The following UQCC1 variants were observed in gnomAD, a reference collection of about 807,000 sequenced individuals.
UQCC1 encodes ubiquinol-cytochrome c reductase complex assembly factor 1.
A neutral mutation model predicts 48.0 loss-of-function variants in UQCC1; 38 were observed. That is an observed-to-expected ratio of 0.79 (90% CI 0.61 to 1.04). The LOEUF is 1.04. UQCC1 is among the 50% of genes least tolerant of loss of function. UQCC1 has a pLI of 0.00. For missense variants in UQCC1, 368 were observed against 381.8 expected (o/e 0.96, Z 0.30); for synonymous variants, 111 against 129.2 (o/e 0.86, Z 0.95).
At chr20:35,399,867 AAAAAG>A (rs1403635949) in intron 1 of UQCC1, among the ~76,000 whole-genome samples, 7 of 150,088 alleles carry the variant, frequency 4.7e-5, no homozygotes, top group African/African-American at 1.7e-4. Flanking sequence ...AAAAAAAAAA[AAAAAG>A]AAAAGAAATC....
intron 4 of UQCC1, among the ~76,000 whole-genome samples, chr20:35,381,094 T>A (rs568552791): frequency 6.6e-6 from 1 of 152,336 alleles, no homozygotes; most frequent in South Asian, 2.1e-4. Flanking sequence ...AGGGGCAGTA[T>A]GCATCTGAGG....
chr20:35,315,031 A>G (rs2061041679), intron 7 of UQCC1: 5 of 255,424 alleles, frequency 2.0e-5, no homozygotes, highest in South Asian at 7.6e-5. Flanking sequence ...GCTAGATCCT[A>G]TGAACCAAGT....
Position 35,321,287 on chromosome 20 carries a change from C to T in UQCC1, c.574-6522G>A, listed in dbSNP as rs111632440. Among the ~76,000 whole-genome samples, 355 of 106,368 alleles carry T rather than the reference C, an allele frequency of 3.3e-3. 3 individuals are homozygous for T. The highest frequency in any genetic ancestry group is 0.018 in the East Asian group (55 of 3,076). The allele number at this position is 106,368 out of a possible 152,430, so 69.8% of individuals were successfully genotyped here. A position where few individuals can be genotyped will look rare whatever the true frequency, so the allele number is the denominator to read the frequency against. On this transcript the variant is annotated intron_variant, in intron 7 of 9. Transcript: ENST00000374385. ...GTGTGTGTGTGTGTGTGTGTGTGCG[C>T]GCGCGCGCGCGCACGCTCAGGCACG...
Position 35,332,668 on chromosome 20 carries a change from C to A in UQCC1, c.573+14496G>T, listed in dbSNP as rs370376599. Among the ~76,000 whole-genome samples, 3 of 152,354 alleles carry A rather than the reference C, an allele frequency of 2.0e-5. No homozygotes were observed. In the East Asian group the frequency reaches 5.8e-4, roughly 29 times the overall value. On this transcript the variant is annotated intron_variant, in intron 7 of 9. Coordinates refer to ENST00000374385, the MANE Select transcript of UQCC1 (RefSeq NM_018244.5). ...AGAAAGAAGAGCTCCCCACACCAGA[C>A]AGGTTACAAAGAAAATGGTCAGTCC...
chr20:35,385,546 G>T (rs1300943093), intron 2 of UQCC1, among the ~76,000 whole-genome samples: 2 of 152,294 alleles, frequency 1.3e-5, no homozygotes, highest in Admixed American at 1.3e-4. Context: ...CTATGGCCCA[G>T]GCTGGAGTGC....
chr20:35,386,263 T>A (rs932018299), intron 2 of UQCC1: 5 of 415,698 alleles, frequency 1.2e-5, no homozygotes, highest in Non-Finnish European at 1.9e-5. Flanking sequence ...AAACTCTCAC[T>A]AATGCTATAT....
At chr20:35,394,031 C>T in intron 2 of UQCC1, 61 bp downstream of exon 2, 2 of 1,502,078 alleles carry the variant, frequency 1.3e-6, no homozygotes, top group Non-Finnish European at 9.3e-7. Flanking sequence ...TCTATAAATA[C>T]ATGACATTTG....
At chr20:35,397,637 C>G (rs1420185831) in intron 1 of UQCC1, among the ~76,000 whole-genome samples, 1 of 151,744 alleles carries the variant, frequency 6.6e-6, no homozygotes, top group Non-Finnish European at 1.5e-5. Flanking sequence ...ATTTACATAG[C>G]ACCTATATTG....
chr20:35,410,487 ACACCGCTGAACTC>A (rs1375799207), intron 1 of UQCC1, among the ~76,000 whole-genome samples: 1 of 149,958 alleles, frequency 6.7e-6, no homozygotes, highest in African/African-American at 2.5e-5. Context: ...AGCCGAGATC[ACACCGCTGAACTC>A]CACCCTGGGT....
At chr20:35,404,925 T>C (rs754652605) in intron 1 of UQCC1, among the ~76,000 whole-genome samples, 21 of 152,164 alleles carry the variant, frequency 1.4e-4, no homozygotes, top group Non-Finnish European at 1.5e-5. Context: ...GGGAATAAGA[T>C]GTCCACAGAG....
intron 2 of UQCC1, among the ~76,000 whole-genome samples, chr20:35,388,393 G>C (rs528566338): frequency 6.9e-6 from 1 of 144,888 alleles, no homozygotes; most frequent in African/African-American, 2.6e-5. Context: ...CCAGACTCAA[G>C]GGATCCTCCT....
intron 7 of UQCC1, among the ~76,000 whole-genome samples, chr20:35,323,303 C>A (rs1222749436): frequency 6.6e-6 from 1 of 152,090 alleles, no homozygotes; most frequent in African/African-American, 2.4e-5. Flanking sequence ...GAAAAACTGT[C>A]CTTAAAAAGA....
At chr20:35,354,212 A>G (rs138887867) in intron 6 of UQCC1, among the ~76,000 whole-genome samples, 37 of 152,274 alleles carry the variant, frequency 2.4e-4, no homozygotes, top group African/African-American at 7.7e-4. Flanking sequence ...CACATGACTG[A>G]ATTTACTTTA....
intron 7 of UQCC1, among the ~76,000 whole-genome samples, chr20:35,330,460 G>T (rs995306639): frequency 2.6e-5 from 4 of 152,190 alleles, no homozygotes; most frequent in Admixed American, 2.6e-4. Flanking sequence ...TGGCAATTCT[G>T]ACCAGCTAGG....
chr20:35,400,856 G>A (rs1348659660), intron 1 of UQCC1, among the ~76,000 whole-genome samples: 1 of 152,156 alleles, frequency 6.6e-6, no homozygotes, highest in East Asian at 1.9e-4. Context: ...GTTAATTGCA[G>A]TGATTTTTAC....
chr20:35,354,410 G>A (rs370857885), intron 6 of UQCC1, among the ~76,000 whole-genome samples: 1 of 120,254 alleles, frequency 8.3e-6, no homozygotes, highest in Non-Finnish European at 1.8e-5. Flanking sequence ...TTTTTTTTTT[G>A]TTTTGAGACA....
intron 3 of UQCC1, among the ~76,000 whole-genome samples, chr20:35,382,512 C>CTTTTTTTTTTTTTTTTTTTTT (rs1162371421): frequency 9.2e-6 from 1 of 108,282 alleles, no homozygotes; most frequent in Non-Finnish European, 1.9e-5. Context: ...TTTCTTTTTT[C>CTTTTTTTTTTTTTTTTTTTTT]TTTTTTTTTT....
intron 2 of UQCC1, among the ~76,000 whole-genome samples, chr20:35,385,732 C>G (rs559081560): frequency 2.0e-5 from 3 of 152,176 alleles, no homozygotes; most frequent in African/African-American, 7.2e-5. Flanking sequence ...AACTCCTGGG[C>G]TCAAGTGAGT....
intron 6 of UQCC1, among the ~76,000 whole-genome samples, chr20:35,355,896 T>C (rs76812621): frequency 0.063 from 9,598 of 151,788 alleles, 403 homozygotes; most frequent in South Asian, 0.21. Context: ...TTTTTTTTTT[T>C]TTTTTGAAAC....
Sources: allele counts gnomAD v4.1 joint callset (sites outside exome capture counted in the v4.1 genomes callset), GRCh38; gene constraint gnomAD v4.1.1; transcripts MANE v1.5; gene names NCBI Gene and HGNC (gene_info 2026-07-23, HGNC 2026-07-21).